Variants in DDX60 observed in about 807,000 individuals in gnomAD.
DDX60 encodes the protein probable ATP-dependent RNA helicase DDX60.
Under a neutral mutation model 212.8 loss-of-function variants are expected in DDX60, and 165 were observed. The ratio of observed to expected loss-of-function variants is 0.78; its 90% CI spans 0.68 to 0.88. The LOEUF is 0.88. Among genes scored for constraint, DDX60 ranks in the 40% least tolerant of loss-of-function variants. The pLI is 0.00. For synonymous variants in DDX60, 703 were observed against 685.3 expected, an observed-to-expected ratio of 1.03 and a Z score of -0.40; for missense variants, 1,905 against 2,003.9, an observed-to-expected ratio of 0.95 and a Z score of 0.94.
intron 29 of DDX60, 103 bp from the exon 30 acceptor site, chr4:168,246,721 C>T (rs1734036347): frequency 8.2e-7 from 1 of 1,213,628 alleles, no homozygotes; most frequent in African/African-American, 1.5e-5. Flanking sequence ...GGAAATTGTG[C>T]ATATGTCTAA....
rs768999283 is a variant in DDX60, at chr4:168,297,315, AAAG to A, written c.724-3373_724-3371del. 9.8e-3 allele frequency among the ~76,000 whole-genome samples: 539 copies of A among 54,772 alleles called. 36 individuals are homozygous for A. The East Asian group carries it at 0.12, about 12-fold the overall frequency. The allele number at this position is 54,772 out of a possible 152,430, so 35.9% of individuals were successfully genotyped here. A position where few individuals can be genotyped will look rare whatever the true frequency, so the allele number is the denominator to read the frequency against. Reference sequence around the variant, plus strand: ...AGAGAGACGAAAGAAAGAAAGAAAGAAAGAAAGAAAGAAAGAAAGAAAGAAAGA... The same window carrying A: ...AGAGAGACGAAAGAAAGAAAGAAAGAAAAGAAAGAAAGAAAGAAAGAAAGA... On this transcript the variant is annotated intron_variant, in intron 6 of 37. Coordinates refer to ENST00000393743, the MANE Select transcript of DDX60 (RefSeq NM_017631.6).
chr4:168,312,683 GTAGA>G lies in DDX60; in HGVS notation c.-106-1322_-106-1319del, dbSNP rs777421838. 2.4e-3 allele frequency among the ~76,000 whole-genome samples: 306 copies of G among 128,706 alleles called. 2 individuals are homozygous for G. Among genetic ancestry groups the G allele is most frequent in the Non-Finnish European group, 3.6e-3 (220 of 60,918 alleles). The allele number at this position is 128,706 out of a possible 152,430, so 84.4% of individuals were successfully genotyped here. On this transcript the variant is annotated intron_variant, in intron 1 of 37. Transcript: ENST00000393743. Reference sequence around the variant, plus strand: ...TACACACATGATTTATGGATAGATAGTAGATAGATTGATTGATATAGATAGATAT... The same window carrying G: ...TACACACATGATTTATGGATAGATAGTAGATTGATTGATATAGATAGATAT...
chr4:168,252,065 A>C (rs917535429), intron 27 of DDX60, among the ~76,000 whole-genome samples: 2 of 152,236 alleles, frequency 1.3e-5, no homozygotes, highest in Admixed American at 6.5e-5. Flanking sequence ...AATTCTGTGA[A>C]TATTACTTAA....
At chr4:168,298,900 T>C (rs1199288427) in intron 6 of DDX60, among the ~76,000 whole-genome samples, 3 of 152,022 alleles carry the variant, frequency 2.0e-5, no homozygotes, top group East Asian at 1.9e-4. Flanking sequence ...CGGTGGCTCA[T>C]GCCTGTAATC....
At chr4:168,217,839 C>G (rs1027045848) in intron 37 of DDX60, among the ~76,000 whole-genome samples, 2 of 152,144 alleles carry the variant, frequency 1.3e-5, no homozygotes, top group African/African-American at 2.4e-5. Context: ...CCCTTAAGAG[C>G]CTTTACAAAG....
intron 10 of DDX60, 116 bp from the exon 11 acceptor site, chr4:168,285,614 A>G: frequency 1.5e-6 from 1 of 656,204 alleles, no homozygotes; most frequent in South Asian, 2.2e-5. Flanking sequence ...AATCTTATTT[A>G]CATATATCAA....
chr4:168,319,622 C>A (rs1737551792), upstream of DDX60, among the ~76,000 whole-genome samples: 2 of 152,098 alleles, frequency 1.3e-5, no homozygotes, highest in South Asian at 4.1e-4. Context: ...TAATTTTTGC[C>A]TGTTGATACT....
intron 2 of DDX60, 48 bp downstream of exon 2, chr4:168,311,208 A>C (rs773350975): frequency 6.3e-7 from 1 of 1,592,450 alleles, no homozygotes; most frequent in South Asian, 1.1e-5. Context: ...TGTAGTTTAC[A>C]GGGTAACATT....
At chr4:168,320,570 G>C (rs900266668), upstream of DDX60, among the ~76,000 whole-genome samples, 1 of 152,136 alleles carries the variant, frequency 6.6e-6, no homozygotes, top group East Asian at 1.9e-4. Flanking sequence ...GAACAAACTT[G>C]TGTGGTATTA....
chr4:168,237,137 ATTTAC>A (rs966888679), intron 32 of DDX60, 144 bp downstream of exon 32: 36 of 495,286 alleles, frequency 7.3e-5, no homozygotes, highest in Admixed American at 4.4e-4. Flanking sequence ...ATTAGTAGGT[ATTTAC>A]TTTATCAATT....
At chr4:168,232,859 T>C (rs1176331522) in intron 33 of DDX60, among the ~76,000 whole-genome samples, 2 of 151,922 alleles carry the variant, frequency 1.3e-5, no homozygotes, top group African/African-American at 2.4e-5. Context: ...GATAAATAGA[T>C]GGGACTTAAT....
chr4:168,274,679 C>T (rs1472678094), intron 16 of DDX60, among the ~76,000 whole-genome samples: 2 of 152,152 alleles, frequency 1.3e-5, no homozygotes, highest in Non-Finnish European at 2.9e-5. Context: ...AGCATTAGTG[C>T]CTCTAGTCCT....
chr4:168,307,424 TCAAA>T (rs1736932472), intron 4 of DDX60, among the ~76,000 whole-genome samples: 1 of 152,150 alleles, frequency 6.6e-6, no homozygotes, highest in South Asian at 2.1e-4. Flanking sequence ...TGGAAATACC[TCAAA>T]CAAACCATCA....
chr4:168,236,258 T>C lies in DDX60; in HGVS notation c.4527A>G (p.Gln1509=), dbSNP rs746763909. The C allele has an allele frequency of 3.1e-6, 5 of 1,609,972 alleles. No homozygotes were observed. The African/African-American group carries it at 4.0e-5, about 13-fold the overall frequency. ...KFQDAHFEFY[Q]SKVFLDDLPE... ...TCAGAATCACACAGTTTACCTTTGA[T>C]TGATAAAACTCGAAGTGTGCATCTT... is the stretch of plus-strand genomic sequence containing the variant. The change falls in exon 33 of 38, where the codon CAA becomes CAG. Residue 1509 remains glutamine (Q), a synonymous_variant. Coordinates refer to ENST00000393743, the MANE Select transcript of DDX60 (RefSeq NM_017631.6).
intron 10 of DDX60, 58 bp downstream of exon 10, chr4:168,286,990 C>G: frequency 1.4e-6 from 2 of 1,387,140 alleles, no homozygotes; most frequent in Admixed American, 2.4e-5. Flanking sequence ...AGTGGTGTTT[C>G]CTAAACACTT....
At chr4:168,271,966 T>C in intron 19 of DDX60, 77 bp downstream of exon 19, 2 of 1,172,676 alleles carry the variant, frequency 1.7e-6, no homozygotes, top group Non-Finnish European at 2.5e-6. Flanking sequence ...GGGATAGATG[T>C]CCTGAAACAC....
At chr4:168,284,991 A>C (rs980809900) in intron 11 of DDX60, 56 bp from the exon 12 acceptor site, 10 of 854,002 alleles carry the variant, frequency 1.2e-5, no homozygotes, top group African/African-American at 1.0e-4. Flanking sequence ...ATAACACAGC[A>C]CAGATTTTAT....
Position 168,246,543 on chromosome 4 carries a change from T to C in DDX60, c.4039A>G (p.Ile1347Val). ...VYFFDIPFPKIGKLIKSNVPE... is the reference protein window; with the variant it reads ...VYFFDIPFPKVGKLIKSNVPE... ...ACATTGGATTTTATGAGTTTTCCTA[T>C]TTTGGGGAATGGAATATCAAAGAAA... Residue 1347 changes from isoleucine (I) to valine (V), a missense_variant, in exon 30 of 38, where the codon ATA becomes GTA. Ile to Val is a conservative substitution (Grantham distance 29). Transcript: ENST00000393743. 2.5e-6 allele frequency: 4 copies of C among 1,614,084 alleles called. No homozygotes were observed. Among genetic ancestry groups the C allele is most frequent in the African/African-American group, 1.3e-5 (1 of 75,026 alleles).
At chr4:168,243,853 C>T (rs747498213) in intron 30 of DDX60, among the ~76,000 whole-genome samples, 1 of 150,966 alleles carries the variant, frequency 6.6e-6, no homozygotes, top group Non-Finnish European at 1.5e-5. Context: ...TGGAATCACT[C>T]CAAATGCCCA....
Sources: allele counts gnomAD v4.1 joint callset (sites outside exome capture counted in the v4.1 genomes callset), GRCh38; gene constraint gnomAD v4.1.1; transcripts MANE v1.5; gene names NCBI Gene and HGNC (gene_info 2026-07-23, HGNC 2026-07-21).